Variants in TRAPPC8 observed in about 807,000 individuals in gnomAD.
TRAPPC8 encodes the protein trafficking protein particle complex subunit 8.
A neutral mutation model predicts 174.3 loss-of-function variants in TRAPPC8; 54 were observed. The ratio of observed to expected loss-of-function variants is 0.31; its 90% confidence interval spans 0.25 to 0.39. The LOEUF (loss-of-function observed/expected upper bound fraction) is 0.39, where lower values mean the gene tolerates loss of function less well. Ranked by LOEUF, TRAPPC8 falls within the 10% of genes least tolerant of loss-of-function variation. TRAPPC8 has a pLI of 1.00. For synonymous variants in TRAPPC8, 630 were observed against 579.9 expected, an observed-to-expected ratio of 1.09 and a Z score of -1.24; for missense variants, 1,531 against 1,699.1, an observed-to-expected ratio of 0.90 and a Z score of 1.74.
chr18:31,932,438 AAAC>A (rs1242281857), intron 1 of TRAPPC8, among the ~76,000 whole-genome samples: 24 of 151,500 alleles, frequency 1.6e-4, no homozygotes, highest in South Asian at 6.2e-4. Flanking sequence ...AAAAAAAAAA[AAAC>A]AACAACAACA....
At chr18:31,903,860 A>G (rs1415325277) in intron 9 of TRAPPC8, among the ~76,000 whole-genome samples, 7 of 150,194 alleles carry the variant, frequency 4.7e-5, no homozygotes, top group African/African-American at 1.7e-4. Context: ...ATCTGTATCA[A>G]AAAAAAAAAC....
intron 11 of TRAPPC8, among the ~76,000 whole-genome samples, chr18:31,892,679 A>AAG (rs1390108972): frequency 1.3e-5 from 2 of 152,202 alleles, no homozygotes; most frequent in African/African-American, 4.8e-5. Flanking sequence ...AACAAAGAAT[A>AAG]AGAGTATATG....
Position 31,857,537 on chromosome 18 carries a change from A to G in TRAPPC8, c.3188+3T>C. On this transcript the variant is annotated splice_donor_region_variant and intron_variant, in intron 20 of 28. Coordinates refer to ENST00000283351, the MANE Select transcript of TRAPPC8 (RefSeq NM_014939.5). ...TAAATTTTATAAGTTTTATAATACT[A>G]ACCGTATTTTTGGCTGCTTTTTGAC... 6.3e-7 allele frequency: 1 copy of G among 1,578,712 alleles called. No homozygotes were observed. Among genetic ancestry groups the G allele is most frequent in the Non-Finnish European group, 8.6e-7 (1 of 1,164,002 alleles).
At chr18:31,918,774 A>C (rs1056313702) in intron 2 of TRAPPC8, among the ~76,000 whole-genome samples, 2 of 152,174 alleles carry the variant, frequency 1.3e-5, no homozygotes, top group Non-Finnish European at 2.9e-5. Flanking sequence ...GATTCTTAAA[A>C]AGTCAACTCT....
At chr18:31,832,206 AT>A (rs1246272472) in intron 27 of TRAPPC8, 33 bp from the exon 28 acceptor site, 67 of 1,374,442 alleles carry the variant, frequency 4.9e-5, no homozygotes, top group Non-Finnish European at 6.1e-5. Flanking sequence ...AAAGTTATAT[AT>A]TTTTTTCTTC....
intron 9 of TRAPPC8, among the ~76,000 whole-genome samples, chr18:31,904,097 G>A (rs1439583184): frequency 7.9e-5 from 12 of 152,060 alleles, no homozygotes; most frequent in Admixed American, 6.6e-4. Context: ...TTAGCCACAC[G>A]TGGTGGCGCA....
chr18:31,927,324 G>A (rs976907099), intron 2 of TRAPPC8, among the ~76,000 whole-genome samples: 3 of 151,762 alleles, frequency 2.0e-5, no homozygotes, highest in Non-Finnish European at 4.4e-5. Context: ...GTGCAGTGGC[G>A]TGATCTCGGC....
chr18:31,882,611 ATTATTT>A (rs1257857520), intron 12 of TRAPPC8, among the ~76,000 whole-genome samples: 2 of 151,806 alleles, frequency 1.3e-5, no homozygotes, highest in Admixed American at 1.3e-4. Flanking sequence ...TGAATTTGTA[ATTATTT>A]TTATTTTTAT....
intron 5 of TRAPPC8, among the ~76,000 whole-genome samples, chr18:31,911,756 C>CAAAAAA (rs71177805): frequency 3.2e-5 from 2 of 62,984 alleles, no homozygotes; most frequent in African/African-American, 7.7e-5. Context: ...GACTCCGTCT[C>CAAAAAA]AAAAAAAAAA....
intron 2 of TRAPPC8, among the ~76,000 whole-genome samples, chr18:31,927,186 CA>C (rs1350764431): frequency 1.3e-5 from 2 of 152,092 alleles, no homozygotes; most frequent in Non-Finnish European, 1.5e-5. Context: ...CAGCTTTTTG[CA>C]CCCTTGACTT....
At chr18:31,880,059 T>C (rs1367946534) in intron 12 of TRAPPC8, among the ~76,000 whole-genome samples, 17 of 129,272 alleles carry the variant, frequency 1.3e-4, no homozygotes, top group Non-Finnish European at 2.4e-4. Context: ...GAAGAGCTGG[T>C]ACCAATTTTA....
At chr18:31,938,660 A>T (rs2038202715) in intron 1 of TRAPPC8, among the ~76,000 whole-genome samples, 1 of 152,254 alleles carries the variant, frequency 6.6e-6, no homozygotes, top group Admixed American at 6.5e-5. Flanking sequence ...AGGCATACCT[A>T]CAGGCCAGAA....
At chr18:31,831,658 C>G (rs2032380770) in intron 28 of TRAPPC8, among the ~76,000 whole-genome samples, 1 of 151,968 alleles carries the variant, frequency 6.6e-6, no homozygotes, top group South Asian at 2.1e-4. Flanking sequence ...AAACCCAGTA[C>G]CCAATAAAGT....
intron 27 of TRAPPC8, among the ~76,000 whole-genome samples, chr18:31,834,921 T>C (rs1000001596): frequency 3.3e-5 from 5 of 152,198 alleles, no homozygotes; most frequent in African/African-American, 1.2e-4. Context: ...CTCTTCTCTT[T>C]GTGTTTCTAC....
intron 11 of TRAPPC8, chr18:31,891,099 C>T (rs942185755): frequency 7.9e-6 from 2 of 252,520 alleles, no homozygotes; most frequent in South Asian, 7.2e-5. Context: ...TTCATAAAAG[C>T]CACATGTCTG....
rs547119569 is a variant in TRAPPC8 at position 31,899,270 on chromosome 18, T to C, written c.1491-1379A>G. Among the ~76,000 whole-genome samples the C allele has an allele frequency of 2.7e-4, 41 of 152,356 alleles. 1 individual carries two copies. In the South Asian group the frequency reaches 6.2e-3, roughly 23 times the overall value. ...CCATTTATCCCATATGGTCAATTAC[T>C]TCAGTTTCCTCATCTGTAAAATGAG... On this transcript the variant is annotated intron_variant, in intron 10 of 28. Coordinates refer to ENST00000283351, the MANE Select transcript of TRAPPC8 (RefSeq NM_014939.5).
At chr18:31,843,424 T>C (rs1405928692) in intron 26 of TRAPPC8, among the ~76,000 whole-genome samples, 1 of 152,184 alleles carries the variant, frequency 6.6e-6, no homozygotes, top group Non-Finnish European at 1.5e-5. Flanking sequence ...TGTTGTTACA[T>C]TGGTAAAATA....
intron 2 of TRAPPC8, among the ~76,000 whole-genome samples, chr18:31,930,122 CTT>C (rs763334461): frequency 9.0e-5 from 13 of 144,338 alleles, no homozygotes; most frequent in Admixed American, 3.5e-4. Flanking sequence ...TTAGGAAAAA[CTT>C]TTTTTTTTTT....
rs777505631 is a variant in TRAPPC8, at chr18:31,866,971, C to T, written c.2468G>A (p.Arg823Lys). 1 of 1,613,238 alleles carries T rather than the reference C, an allele frequency of 6.2e-7. No homozygotes were observed. Among genetic ancestry groups the T allele is most frequent in the South Asian group, 1.1e-5 (1 of 91,032 alleles). The stretch of plus-strand genomic sequence containing the variant: ...TATGTGATGGGGAAAGAGCTTTAGT[C>T]TTGCCTGTGGAGATATTTAAGTCAG... ...LINGEESKVA[R>K]LKLFPHHIGE... The change falls in exon 18 of 29, where the codon AGA becomes AAA. Residue 823 changes from arginine (R) to lysine (K), a missense_variant. Transcript: ENST00000283351.
Sources: allele counts gnomAD v4.1 joint callset (sites outside exome capture counted in the v4.1 genomes callset), GRCh38; gene constraint gnomAD v4.1.1; transcripts MANE v1.5; gene names NCBI Gene and HGNC (gene_info 2026-07-23, HGNC 2026-07-21).